ANTXR1: variants seen among roughly 807,000 people sequenced by gnomAD.
ANTXR1 encodes the protein anthrax toxin receptor 1.
ANTXR1 carries 19 observed loss-of-function variants against 78.1 expected under a neutral mutation model. That is an observed-to-expected ratio of 0.24 (90% CI 0.17 to 0.36). ANTXR1 has a LOEUF of 0.36. Among genes scored for constraint, ANTXR1 ranks in the 10% least tolerant of loss-of-function variants. The pLI, the probability that ANTXR1 is intolerant of heterozygous loss-of-function variation, is 1.00. For missense variants in ANTXR1, 518 were observed against 718.6 expected (o/e 0.72, Z 3.19); for synonymous variants, 273 against 260.5 (o/e 1.05, Z -0.46).
At chr2:69,138,192 G>T (rs1322870852) in intron 12 of ANTXR1, among the ~76,000 whole-genome samples, 1 of 151,848 alleles carries the variant, frequency 6.6e-6, no homozygotes, top group East Asian at 1.9e-4. Flanking sequence ...GAAGAGGAGA[G>T]ATTTAATAGT....
At chr2:69,131,787 T>C (rs1365544133) in intron 12 of ANTXR1, among the ~76,000 whole-genome samples, 2 of 151,986 alleles carry the variant, frequency 1.3e-5, no homozygotes, top group African/African-American at 4.8e-5. Flanking sequence ...TCTGAGTTGG[T>C]TGGGAGGTAG....
chr2:69,183,563 A>G lies in ANTXR1; in HGVS notation c.1353+903A>G, dbSNP rs555356778. Among the ~76,000 whole-genome samples the G allele has an allele frequency of 3.0e-3, 423 of 143,366 alleles. 2 individuals carry two copies. The highest frequency in any genetic ancestry group is 7.3e-3 in the Middle Eastern group (2 of 274). 94.1% of individuals were successfully genotyped at this position (143,366 alleles called of 152,430 possible). A position where few individuals can be genotyped will look rare whatever the true frequency, so the allele number is the denominator to read the frequency against. On this transcript the variant is annotated intron_variant, in intron 16 of 17. Transcript: ENST00000303714. ...ACTACGGGCACGCACCACCACACCC[A>G]GCTAATTTTTGTTTTTTTTTTTTTT... is the stretch of plus-strand genomic sequence containing the variant.
chr2:69,038,952 T>TA (rs111432583), intron 1 of ANTXR1, among the ~76,000 whole-genome samples: 172 of 152,318 alleles, frequency 1.1e-3, no homozygotes, highest in African/African-American at 4.0e-3. Context: ...TAAATCTCTA[T>TA]AAAATAGTTT....
chr2:69,053,668 T>G (rs977260310), intron 3 of ANTXR1, among the ~76,000 whole-genome samples: 2 of 152,182 alleles, frequency 1.3e-5, no homozygotes, highest in African/African-American at 2.4e-5. Context: ...GACTGGAAAT[T>G]TCACCTTTCT....
intron 1 of ANTXR1, among the ~76,000 whole-genome samples, chr2:69,037,152 G>A (rs1477168822): frequency 2.0e-5 from 3 of 152,188 alleles, no homozygotes; most frequent in Admixed American, 6.5e-5. Context: ...GGGAATTGGC[G>A]AGAGCCATCT....
chr2:69,068,588 G>C (rs543936772), intron 3 of ANTXR1, among the ~76,000 whole-genome samples: 2 of 152,326 alleles, frequency 1.3e-5, no homozygotes, highest in African/African-American at 4.8e-5. Context: ...AATGATGTGA[G>C]ATGAGGCTGG....
intron 7 of ANTXR1, among the ~76,000 whole-genome samples, chr2:69,076,429 G>T (rs1464546069): frequency 6.6e-6 from 1 of 152,214 alleles, no homozygotes. Context: ...TAAGCAAGTT[G>T]TAAAAGCTTA....
intron 13 of ANTXR1, among the ~76,000 whole-genome samples, chr2:69,164,542 C>CT (rs1219547608): frequency 6.6e-6 from 1 of 152,146 alleles, no homozygotes; most frequent in Non-Finnish European, 1.5e-5. Context: ...TCTTCAAGAG[C>CT]TTACAGTCCA....
At chr2:69,021,324 CT>C (rs1374264995) in intron 1 of ANTXR1, among the ~76,000 whole-genome samples, 5 of 152,198 alleles carry the variant, frequency 3.3e-5, no homozygotes, top group Admixed American at 6.5e-5. Context: ...TAAAAAGAAT[CT>C]AAATATGCAA....
intron 13 of ANTXR1, among the ~76,000 whole-genome samples, chr2:69,155,271 C>T (rs922571237): frequency 6.6e-6 from 1 of 152,156 alleles, no homozygotes; most frequent in Admixed American, 6.5e-5. Context: ...CCAGCTTGTT[C>T]CTCAGTATCG....
intron 12 of ANTXR1, among the ~76,000 whole-genome samples, chr2:69,133,348 C>T (rs549086991): frequency 5.9e-5 from 9 of 152,272 alleles, no homozygotes; most frequent in South Asian, 2.1e-4. Flanking sequence ...TAGGTTCCTT[C>T]GCCCCAACAA....
chr2:69,075,197 A>T (rs1558518927), intron 6 of ANTXR1, among the ~76,000 whole-genome samples: 1 of 152,196 alleles, frequency 6.6e-6, no homozygotes, highest in African/African-American at 2.4e-5. Flanking sequence ...ACTCAACTAT[A>T]TCAAGTTCCA....
At chr2:69,064,546 G>A (rs1670337947) in intron 3 of ANTXR1, among the ~76,000 whole-genome samples, 1 of 152,206 alleles carries the variant, frequency 6.6e-6, no homozygotes, top group African/African-American at 2.4e-5. Flanking sequence ...ACAGTGGGAG[G>A]AGTGATCTTT....
chr2:69,111,009 C>T (rs1196504305), intron 10 of ANTXR1, among the ~76,000 whole-genome samples: 2 of 152,190 alleles, frequency 1.3e-5, no homozygotes, highest in African/African-American at 4.8e-5. Context: ...TTGCTTTCTT[C>T]TTTCCATCTA....
intron 10 of ANTXR1, among the ~76,000 whole-genome samples, chr2:69,109,771 A>G (rs755854834): frequency 3.1e-4 from 47 of 152,220 alleles, no homozygotes; most frequent in Non-Finnish European, 5.7e-4. Context: ...AATGTATATA[A>G]TCTTCCAGGT....
intron 15 of ANTXR1, 63 bp downstream of exon 15, chr2:69,181,944 G>C: frequency 6.5e-7 from 1 of 1,532,290 alleles, no homozygotes; most frequent in Non-Finnish European, 9.0e-7. Flanking sequence ...GGTACCAGCC[G>C]GGCCTGACCC....
At chr2:69,115,205 A>G (rs558413497) in intron 10 of ANTXR1, among the ~76,000 whole-genome samples, 2 of 152,214 alleles carry the variant, frequency 1.3e-5, no homozygotes, top group Non-Finnish European at 2.9e-5. Context: ...GGGCAAAATC[A>G]ACCCCCATTT....
rs1674298028 is a variant in ANTXR1, at chr2:69,182,419, A to T, written c.1186-74A>T. On this transcript the variant is annotated intron_variant, in intron 15 of 17. Coordinates refer to ENST00000303714, the MANE Select transcript of ANTXR1 (RefSeq NM_032208.3). ...GTAGCATTCACATTGCAACTCATGC[A>T]TGTATTTGTCATTCTCATTCTCGAG... 3.9e-6 allele frequency: 6 copies of T among 1,549,626 alleles called. No homozygotes were observed. In the South Asian group the frequency reaches 4.6e-5, roughly 12 times the overall value.
intron 12 of ANTXR1, among the ~76,000 whole-genome samples, chr2:69,125,709 C>T (rs189830370): frequency 8.5e-4 from 130 of 152,204 alleles, no homozygotes; most frequent in Non-Finnish European, 1.4e-3. Flanking sequence ...GGCATGATGT[C>T]GCACACCTGT....
Sources: allele counts gnomAD v4.1 joint callset (sites outside exome capture counted in the v4.1 genomes callset), GRCh38; gene constraint gnomAD v4.1.1; transcripts MANE v1.5; gene names NCBI Gene and HGNC (gene_info 2026-07-23, HGNC 2026-07-21).